The following FBXL18 variants were observed in gnomAD, a reference collection of about 807,000 sequenced individuals.
The protein encoded by FBXL18 is F-box and leucine rich repeat protein 18.
A neutral mutation model predicts 46.0 loss-of-function variants in FBXL18; 36 were observed. The ratio of observed to expected loss-of-function variants is 0.78; its 90% CI spans 0.60 to 1.03. The LOEUF is 1.03. FBXL18 is among the 50% of genes least tolerant of loss of function. The probability of loss-of-function intolerance (pLI) is 0.00; values close to 1 mark genes in which losing one functional copy is unlikely to be tolerated. For missense variants in FBXL18, 977 were observed against 1,004.1 expected, an observed-to-expected ratio of 0.97 and a Z score of 0.36; for synonymous variants, 557 against 465.3, an observed-to-expected ratio of 1.20 and a Z score of -2.54.
In FBXL18 at chr7:5,480,290, A is replaced by G. The variant is rs866614866; in HGVS notation, c.*1485T>C. Among the ~76,000 whole-genome samples the G allele has an allele frequency of 1.3e-5, 2 of 152,152 alleles. No individual in the cohort carries two copies. The highest frequency in any genetic ancestry group is 2.9e-5 in the Non-Finnish European group (2 of 68,018). On this transcript the variant is annotated 3_prime_UTR_variant, in exon 5 of 5. Transcript: ENST00000382368. ...CGGCGGTCCAGGCTAGCAGGGCCCA[A>G]CTACAGCCCCCTTTGGAAGCCACTG...
chr7:5,485,512 A>G lies in FBXL18; in HGVS notation c.2001-3581T>C, dbSNP rs186248761. On this transcript the variant is annotated intron_variant, in intron 4 of 4. Transcript: ENST00000382368. ...ATTACCCATCAGATGTGCAAAAAAAATAAATAAATAAAAAAGGGAGGCCAG... is the reference window on the plus strand; with the variant it reads ...ATTACCCATCAGATGTGCAAAAAAAGTAAATAAATAAAAAAGGGAGGCCAG... Among the ~76,000 whole-genome samples the G allele has an allele frequency of 1.5e-4, 23 of 152,320 alleles. No homozygotes were observed. The East Asian group carries it at 3.9e-3, about 26-fold the overall frequency.
At chr7:5,510,041 C>A (rs147494790) in intron 1 of FBXL18, among the ~76,000 whole-genome samples, 1 of 152,018 alleles carries the variant, frequency 6.6e-6, no homozygotes, top group African/African-American at 2.4e-5. Context: ...GTAGCTCATG[C>A]GTGTAATTCC....
chr7:5,464,428 C>A (rs546779651), intron 4 of FBXL18, among the ~76,000 whole-genome samples: 1 of 151,602 alleles, frequency 6.6e-6, no homozygotes, highest in Non-Finnish European at 1.5e-5. Context: ...TGCAGTGAGC[C>A]GAGATCACGC....
At chr7:5,502,530 G>A (rs1238844467) in intron 2 of FBXL18, among the ~76,000 whole-genome samples, 3 of 149,180 alleles carry the variant, frequency 2.0e-5, no homozygotes, top group African/African-American at 7.4e-5. Flanking sequence ...AAGAGACTCT[G>A]TCTCAAAAAG....
At chr7:5,467,090 G>T (rs574070512) in intron 4 of FBXL18, among the ~76,000 whole-genome samples, 1 of 151,964 alleles carries the variant, frequency 6.6e-6, no homozygotes, top group Non-Finnish European at 1.5e-5. Flanking sequence ...AGTGGCTCAC[G>T]CCTGTAATCC....
intron 1 of FBXL18, among the ~76,000 whole-genome samples, chr7:5,513,433 C>G (rs1374594582): frequency 6.6e-6 from 1 of 151,740 alleles, no homozygotes; most frequent in African/African-American, 2.4e-5. Flanking sequence ...AATGCACGAG[C>G]GAAGGGGGAG....
chr7:5,472,789 G>T (rs1783447388), downstream of FBXL18, among the ~76,000 whole-genome samples: 1 of 152,172 alleles, frequency 6.6e-6, no homozygotes, highest in South Asian at 2.1e-4. Context: ...GCCATCCCCT[G>T]TGCAAATACC....
intron 4 of FBXL18, among the ~76,000 whole-genome samples, chr7:5,482,325 G>C (rs907349371): frequency 4.6e-5 from 7 of 152,214 alleles, no homozygotes; most frequent in Non-Finnish European, 1.0e-4. Context: ...CCACGGCCAG[G>C]ACAGAGAGAA....
rs572714746 is a variant in FBXL18 at position 5,466,963 on chromosome 7, T to A, written c.2001-19120A>T. ...TACAGGCAGTGGCTCACTCCTGTAA[T>A]CCCAGCACTTTGGGAGGCCGAGGCA... On this transcript the variant is annotated intron_variant and NMD_transcript_variant, in intron 4 of 6. Coordinates refer to the FBXL18 transcript ENST00000415009. Among the ~76,000 whole-genome samples the A allele has an allele frequency of 2.0e-5, 3 of 152,290 alleles. No homozygotes were observed. The South Asian group carries it at 6.2e-4, about 32-fold the overall frequency.
At chr7:5,508,480 G>T (rs1784449553) in intron 1 of FBXL18, among the ~76,000 whole-genome samples, 1 of 150,460 alleles carries the variant, frequency 6.6e-6, no homozygotes, top group South Asian at 2.1e-4. Context: ...ACAGTGGCAT[G>T]TGCCTGTTGT....
rs1337222251 is a variant in FBXL18, at chr7:5,476,940, T to G, written c.*4835A>C. The G allele has an allele frequency of 6.7e-6, 1 of 150,212 alleles. No individual in the cohort carries two copies. The highest frequency in any genetic ancestry group is 2.0e-4 in the East Asian group (1 of 5,022). The allele number at this position is 150,212 out of a possible 1,614,324, so 9.3% of individuals were successfully genotyped here. On this transcript the variant is annotated 3_prime_UTR_variant, in exon 5 of 5. Coordinates refer to ENST00000382368, the MANE Select transcript of FBXL18 (RefSeq NM_024963.6). ...TCTCACTCTGTCGCCCAGGCTGGAA[T>G]GCAGTGGTGCGATCTCAGCTCACTG...
chr7:5,501,569 A>G lies in FBXL18; in HGVS notation c.700T>C (p.Tyr234His). ...VPHYQNLRVFYARLAPGYINQ... is the reference protein window; with the variant it reads ...VPHYQNLRVFHARLAPGYINQ... ...ATGTAGCCGGGGGCCAGGCGCGCATAGAAGACCCGCAGGTTCTGGTAGTGC... is the reference window on the plus strand; with the variant it reads ...ATGTAGCCGGGGGCCAGGCGCGCATGGAAGACCCGCAGGTTCTGGTAGTGC... Residue 234 changes from tyrosine (Y) to histidine (H), a missense_variant, in exon 3 of 5, where the codon TAT becomes CAT. Physicochemically the swap from Tyr to His is moderately conservative, Grantham distance 83. Coordinates refer to ENST00000382368, the MANE Select transcript of FBXL18 (RefSeq NM_024963.6). 1 of 1,613,918 alleles carries G rather than the reference A, an allele frequency of 6.2e-7. No homozygotes were observed. The highest frequency in any genetic ancestry group is 8.5e-7 in the Non-Finnish European group (1 of 1,180,018).
At chr7:5,454,744 C>T (rs1268179397) in intron 4 of FBXL18, among the ~76,000 whole-genome samples, 1 of 152,146 alleles carries the variant, frequency 6.6e-6, no homozygotes, top group Non-Finnish European at 1.5e-5. Flanking sequence ...AGGACAGGGA[C>T]ACCCTCCAGC....
intron 1 of FBXL18, among the ~76,000 whole-genome samples, chr7:5,512,297 TAAAAAAAAAAAAAAA>T (rs71004681): frequency 2.3e-5 from 2 of 85,524 alleles, no homozygotes; most frequent in African/African-American, 8.1e-5. Flanking sequence ...AAGTGTTATT[TAAAAAAAAAAAAAAA>T]AAAAAAAAAA....
rs993948590 is a variant in FBXL18, at chr7:5,477,360, C to A, written c.*4415G>T. 1.3e-5 allele frequency among the ~76,000 whole-genome samples: 2 copies of A among 152,150 alleles called. No individual in the cohort carries two copies. Among genetic ancestry groups the A allele is most frequent in the African/African-American group, 4.8e-5 (2 of 41,440 alleles). On this transcript the variant is annotated 3_prime_UTR_variant, in exon 5 of 5. Transcript: ENST00000382368. The surrounding 1 kb of genome is among the most constrained non-coding windows in gnomAD (Gnocchi z 4.4). ...CTCTGCCTTTGGTTTAGTGGCCCCA[C>A]ACTTCATCACCTCACTTTGTCCATG... is the stretch of plus-strand genomic sequence containing the variant.
chr7:5,493,332 C>G (rs920651988), intron 3 of FBXL18, among the ~76,000 whole-genome samples: 1 of 152,190 alleles, frequency 6.6e-6, no homozygotes, highest in Non-Finnish European at 1.5e-5. Flanking sequence ...AAGACAGTCT[C>G]GATCTGTTGC....
At position 5,505,335 on chromosome 7, in the gene FBXL18, C is replaced by G. The variant is rs577570668; in HGVS notation, c.237+77G>C. On this transcript the variant is annotated intron_variant, in intron 2 of 4. Coordinates refer to ENST00000382368, the MANE Select transcript of FBXL18 (RefSeq NM_024963.6). ...CACCTTTATATCAGCACACAGGGTT[C>G]CACTGCAGGGCTGTGCCCAGTCCTC... The G allele has an allele frequency of 8.2e-6, 11 of 1,337,118 alleles. No homozygotes were observed. In the African/African-American group the frequency reaches 1.2e-4, roughly 14 times the overall value. 82.8% of individuals were successfully genotyped at this position (1,337,118 alleles called of 1,614,324 possible).
chr7:5,464,347 C>A (rs867565118), intron 4 of FBXL18, among the ~76,000 whole-genome samples: 1 of 151,918 alleles, frequency 6.6e-6, no homozygotes, highest in African/African-American at 2.4e-5. Context: ...GGCATGGTGG[C>A]GCACATCTGT....
chr7:5,471,586 A>AT (rs1238427849), downstream of FBXL18, among the ~76,000 whole-genome samples: 2 of 151,776 alleles, frequency 1.3e-5, no homozygotes, highest in Non-Finnish European at 2.9e-5. Flanking sequence ...AATTTTTTGT[A>AT]TTTTTAGTAG....
Sources: allele counts gnomAD v4.1 joint callset (sites outside exome capture counted in the v4.1 genomes callset), GRCh38; gene constraint gnomAD v4.1.1; non-coding constraint Gnocchi (gnomAD v3.1); transcripts MANE v1.5; gene names NCBI Gene and HGNC (gene_info 2026-07-23, HGNC 2026-07-21).